RGL1: variants seen among roughly 807,000 people sequenced by gnomAD.
RGL1 encodes ral guanine nucleotide dissociation stimulator-like 1.
A neutral mutation model predicts 95.2 loss-of-function variants in RGL1; 24 were observed. That is an observed-to-expected ratio of 0.25 (90% CI 0.18 to 0.35). The LOEUF is 0.35. RGL1 is among the 10% of genes least tolerant of loss of function. The probability of loss-of-function intolerance (pLI) is 1.00; values close to 1 mark genes in which losing one functional copy is unlikely to be tolerated. For synonymous variants in RGL1, 329 were observed against 344.9 expected, an observed-to-expected ratio of 0.95 and a Z score of 0.51; for missense variants, 715 against 936.3, an observed-to-expected ratio of 0.76 and a Z score of 3.08.
chr1:183,639,460 C>T (rs1649767958), intron 1 of RGL1, among the ~76,000 whole-genome samples: 1 of 152,054 alleles, frequency 6.6e-6, no homozygotes, highest in African/African-American at 2.4e-5. Flanking sequence ...TCTCTGGCAA[C>T]ATAATTACTG....
chr1:183,906,846 C>T (rs1038994151), intron 13 of RGL1, among the ~76,000 whole-genome samples, 166 bp from the exon 14 acceptor site: 9 of 152,134 alleles, frequency 5.9e-5, no homozygotes, highest in Non-Finnish European at 7.3e-5. Flanking sequence ...CAAATCGGGC[C>T]GTGAAGTCAG....
chr1:183,926,462 GAA>G lies in RGL1; in HGVS notation c.*172_*173del, dbSNP rs780261864. 2.1e-5 allele frequency: 10 copies of G among 473,030 alleles called. No individual in the cohort carries two copies. The highest frequency in any genetic ancestry group is 3.7e-5 in the Non-Finnish European group (10 of 268,020). The allele number at this position is 473,030 out of a possible 1,614,324, so 29.3% of individuals were successfully genotyped here. On this transcript the variant is annotated 3_prime_UTR_variant, in exon 18 of 18. Coordinates refer to ENST00000360851, the MANE Select transcript of RGL1 (RefSeq NM_001297671.3). ...TATGATAGGCACCGTGGGGAAACTG[GAA>G]ATGAATTTGACATGAAAAGGATGAA...
intron 2 of RGL1, among the ~76,000 whole-genome samples, chr1:183,780,267 C>G (rs1017787581): frequency 6.6e-6 from 1 of 152,132 alleles, no homozygotes; most frequent in African/African-American, 2.4e-5. Flanking sequence ...GAGCAGTCCT[C>G]CTTGTCGTCA....
chr1:183,889,803 T>C (rs1277433032), intron 8 of RGL1, among the ~76,000 whole-genome samples: 1 of 152,148 alleles, frequency 6.6e-6, no homozygotes, highest in African/African-American at 2.4e-5. Flanking sequence ...ACTCCAAAGC[T>C]CGTGCTTTGT....
At position 183,879,280 on chromosome 1, in the gene RGL1, C is replaced by T. The variant is rs1237176620; in HGVS notation, c.426-1336C>T. Among the ~76,000 whole-genome samples, 5 of 152,114 alleles carry T rather than the reference C, an allele frequency of 3.3e-5. No individual in the cohort carries two copies. The East Asian group carries it at 9.6e-4, about 29-fold the overall frequency. ...TTGTACTTCAATTCCAAAAGTTAAG[C>T]ATTAAATTGGCTTTAGTCATACTTA... On this transcript the variant is annotated intron_variant, in intron 4 of 17. Transcript: ENST00000360851.
At chr1:183,767,944 C>T (rs543835579) in intron 2 of RGL1, among the ~76,000 whole-genome samples, 18 of 139,334 alleles carry the variant, frequency 1.3e-4, no homozygotes, top group South Asian at 4.9e-4. Flanking sequence ...CAGAGTGAGA[C>T]TCCGTCTCAA....
chr1:183,742,079 T>G, intron 1 of RGL1: 1 of 1,506,500 alleles, frequency 6.6e-7, no homozygotes, highest in Admixed American at 1.8e-5. Context: ...TCTCTTTTAA[T>G]GTTACCCATT....
intron 1 of RGL1, among the ~76,000 whole-genome samples, chr1:183,704,512 T>C (rs1389667971): frequency 6.6e-6 from 1 of 152,154 alleles, no homozygotes; most frequent in African/African-American, 2.4e-5. Flanking sequence ...GTGTCCTTGA[T>C]GTAGGAAGGA....
At chr1:183,643,591 C>T (rs1283870810) in intron 1 of RGL1, among the ~76,000 whole-genome samples, 5 of 151,656 alleles carry the variant, frequency 3.3e-5, no homozygotes, top group South Asian at 2.1e-4. Context: ...GCGCCCGGCC[C>T]GAGGTCCTGT....
chr1:183,820,057 G>A (rs2500121), intron 2 of RGL1, among the ~76,000 whole-genome samples: 44,651 of 151,896 alleles, frequency 0.29, 7,546 homozygotes, highest in South Asian at 0.52. Context: ...AAAGTGCTGG[G>A]ATTACAGGCG....
chr1:183,721,142 A>G (rs1298964669), intron 1 of RGL1, among the ~76,000 whole-genome samples: 1 of 152,168 alleles, frequency 6.6e-6, no homozygotes, highest in East Asian at 1.9e-4. Flanking sequence ...TGAACATATT[A>G]TCTGGAAAAA....
intron 16 of RGL1, among the ~76,000 whole-genome samples, chr1:183,917,756 C>A (rs1054512901): frequency 7.2e-5 from 11 of 152,170 alleles, no homozygotes; most frequent in Non-Finnish European, 1.5e-4. Context: ...AATAATAGAG[C>A]CAAGATCAGG....
rs1262641204 is a variant in RGL1, at chr1:183,861,636, T to C, written c.348-4360T>C. Among the ~76,000 whole-genome samples, 3 of 152,340 alleles carry C rather than the reference T, an allele frequency of 2.0e-5. No homozygotes were observed. The East Asian group carries it at 5.8e-4, about 29-fold the overall frequency. ...ATAACAGAGAAAACCATGTCAAAAG[T>C]CATTCTGACAATTTTTATTTTAAGT... On this transcript the variant is annotated intron_variant, in intron 3 of 17. Transcript: ENST00000360851.
intron 2 of RGL1, among the ~76,000 whole-genome samples, chr1:183,826,472 G>T (rs968923128): frequency 1.3e-5 from 2 of 152,082 alleles, no homozygotes; most frequent in Admixed American, 1.3e-4. Context: ...GGTTTTGGTT[G>T]TTTTTTTCCC....
intron 1 of RGL1, among the ~76,000 whole-genome samples, chr1:183,681,660 G>C (rs976805912): frequency 9.2e-5 from 14 of 152,090 alleles, no homozygotes; most frequent in African/African-American, 3.4e-4. Context: ...TCTCTGCCAG[G>C]CGTTGGTATC....
chr1:183,647,766 C>T, intron 1 of RGL1: 2 of 1,614,182 alleles, frequency 1.2e-6, no homozygotes, highest in African/African-American at 1.3e-5. Context: ...CACTGACCTT[C>T]CAGTGGGAAG....
At chr1:183,705,031 G>A (rs1186176903) in intron 1 of RGL1, among the ~76,000 whole-genome samples, 2 of 152,206 alleles carry the variant, frequency 1.3e-5, no homozygotes, top group Non-Finnish European at 2.9e-5. Context: ...CTAGGTCTGG[G>A]AGAGTGAGGA....
At chr1:183,672,307 G>A (rs1411520639) in intron 1 of RGL1, among the ~76,000 whole-genome samples, 1 of 152,074 alleles carries the variant, frequency 6.6e-6, no homozygotes, top group Non-Finnish European at 1.5e-5. Flanking sequence ...CAAATTTCAT[G>A]ATTCTTATTT....
intron 2 of RGL1, among the ~76,000 whole-genome samples, chr1:183,818,322 G>A (rs1662223374): frequency 6.6e-6 from 1 of 152,176 alleles, no homozygotes; most frequent in African/African-American, 2.4e-5. Context: ...TAGAGAATCC[G>A]GAGTTTTTGG....
Sources: gnomAD v4.1 joint callset for allele counts (sites outside exome capture counted in the v4.1 genomes callset) on GRCh38, gnomAD v4.1.1 for gene constraint, MANE v1.5 for transcripts, NCBI Gene and HGNC (gene_info 2026-07-23, HGNC 2026-07-21) for gene names.